ERO1B: variants seen among roughly 807,000 people sequenced by gnomAD.
ERO1B encodes endoplasmic reticulum oxidoreductase 1 beta.
Under a neutral mutation model 75.3 loss-of-function variants are expected in ERO1B, and 49 were observed. The observed-to-expected ratio is 0.65, with a 90% CI of 0.52 to 0.83. The LOEUF (loss-of-function observed/expected upper bound fraction) is 0.83. ERO1B is among the 40% of genes least tolerant of loss of function. ERO1B has a pLI of 0.00. For missense variants in ERO1B, 512 were observed against 560.1 expected (o/e 0.91, Z 0.87); for synonymous variants, 191 against 192.9 (o/e 0.99, Z 0.08).
At chr1:236,231,554 G>A (rs1664408030) in intron 9 of ERO1B, among the ~76,000 whole-genome samples, 1 of 149,900 alleles carries the variant, frequency 6.7e-6, no homozygotes, top group African/African-American at 2.4e-5. Context: ...TTCTGAGTTG[G>A]GGAAAGAGAA....
chr1:236,245,147 A>C (rs1664810847), intron 5 of ERO1B, among the ~76,000 whole-genome samples: 1 of 150,092 alleles, frequency 6.7e-6, no homozygotes, highest in Non-Finnish European at 1.5e-5. Flanking sequence ...ACGCCAACAC[A>C]TCCAGCTAAT....
chr1:236,254,623 T>A lies in ERO1B; in HGVS notation c.223-1118A>T, dbSNP rs937182803. ...TGTCTCAAGATCTTTATTTTTTTTT[T>A]ATTTTTTGAGACAGAGTCTCACTCT... On this transcript the variant is annotated intron_variant, in intron 2 of 15. Transcript: ENST00000354619. 5.1e-4 allele frequency among the ~76,000 whole-genome samples: 78 copies of A among 152,110 alleles called. 1 individual carries two copies. The highest frequency in any genetic ancestry group is 4.6e-4 in the African/African-American group (19 of 41,420).
At chr1:236,264,490 G>A (rs1292714318) in intron 2 of ERO1B, among the ~76,000 whole-genome samples, 1 of 152,114 alleles carries the variant, frequency 6.6e-6, no homozygotes, top group East Asian at 1.9e-4. Context: ...TTATTAGTAG[G>A]AGGTAAATAA....
chr1:236,236,538 G>C (rs1664552201), intron 6 of ERO1B, 140 bp from the exon 7 acceptor site: 1 of 762,596 alleles, frequency 1.3e-6, no homozygotes, highest in Non-Finnish European at 2.0e-6. Context: ...TGGTATAGTG[G>C]TTAGTATACT....
chr1:236,247,265 C>A (rs1294933440), intron 5 of ERO1B, among the ~76,000 whole-genome samples: 1 of 152,194 alleles, frequency 6.6e-6, no homozygotes, highest in African/African-American at 2.4e-5. Flanking sequence ...GTCTCACAGG[C>A]AGCTCAAACT....
intron 10 of ERO1B, among the ~76,000 whole-genome samples, chr1:236,227,125 T>C (rs928647322): frequency 2.6e-5 from 4 of 152,178 alleles, no homozygotes; most frequent in Non-Finnish European, 5.9e-5. Context: ...CCCTTCCTTA[T>C]ATGTGTTATT....
chr1:236,227,385 T>G (rs981959461), intron 10 of ERO1B, among the ~76,000 whole-genome samples: 7 of 152,270 alleles, frequency 4.6e-5, no homozygotes, highest in Admixed American at 3.3e-4. Context: ...GCTGAGAACT[T>G]AAGAGGTCAA....
chr1:236,222,076 A>G (rs1302516332), intron 13 of ERO1B, 66 bp from the exon 14 acceptor site: 35 of 1,221,408 alleles, frequency 2.9e-5, no homozygotes, highest in Non-Finnish European at 3.0e-5. Context: ...TGGCTAAACG[A>G]TAAGTAAGTT....
chr1:236,235,698 T>G, intron 8 of ERO1B, 91 bp downstream of exon 8: 1 of 1,153,568 alleles, frequency 8.7e-7, no homozygotes, highest in East Asian at 2.5e-5. Context: ...AAACAAAATA[T>G]AAAAATGAAA....
chr1:236,266,403 G>A (rs1462183937), intron 2 of ERO1B, among the ~76,000 whole-genome samples: 4 of 151,954 alleles, frequency 2.6e-5, no homozygotes, highest in Non-Finnish European at 5.9e-5. Context: ...CAGGAGTTGC[G>A]GACCAGCCTG....
chr1:236,232,374 G>A (rs1319702468), intron 9 of ERO1B, among the ~76,000 whole-genome samples: 3 of 152,110 alleles, frequency 2.0e-5, no homozygotes, highest in Non-Finnish European at 4.4e-5. Context: ...TATTTTGGGG[G>A]TATCTTTTAA....
At chr1:236,272,573 G>T (rs1267590959) in intron 1 of ERO1B, among the ~76,000 whole-genome samples, 1 of 151,956 alleles carries the variant, frequency 6.6e-6, no homozygotes, top group South Asian at 2.1e-4. Flanking sequence ...GAAAGAGGGG[G>T]ACAAGAGCTG....
In ERO1B at chr1:236,243,369, T is replaced by C. The variant is rs1018909069; in HGVS notation, c.505+53A>G. 1.3e-5 allele frequency: 16 copies of C among 1,236,616 alleles called. No individual in the cohort carries two copies. The African/African-American group carries it at 2.1e-4, about 17-fold the overall frequency. 76.6% of individuals were successfully genotyped at this position (1,236,616 alleles called of 1,614,324 possible). On this transcript the variant is annotated intron_variant, in intron 6 of 15. Coordinates refer to ENST00000354619, the MANE Select transcript of ERO1B (RefSeq NM_019891.4). ...TTATATTTTCATTGATTAAAATGTCTTATAAAAGGGTTAAAGTTAAAATAA... is the reference window on the plus strand; with the variant it reads ...TTATATTTTCATTGATTAAAATGTCCTATAAAAGGGTTAAAGTTAAAATAA...
At chr1:236,250,497 T>A (rs1664989738) in intron 4 of ERO1B, among the ~76,000 whole-genome samples, 2 of 146,542 alleles carry the variant, frequency 1.4e-5, no homozygotes, top group Admixed American at 7.0e-5. Flanking sequence ...AATTCAAAAG[T>A]AAAAGTTAAC....
chr1:236,239,924 G>C (rs1399114175), intron 6 of ERO1B, among the ~76,000 whole-genome samples: 2 of 73,252 alleles, frequency 2.7e-5, no homozygotes, highest in African/African-American at 1.0e-4. Flanking sequence ...TTTTTTTTTT[G>C]CGATGAGGCT....
chr1:236,252,317 AAAGT>A (rs1665049941), intron 3 of ERO1B, among the ~76,000 whole-genome samples: 1 of 152,210 alleles, frequency 6.6e-6, no homozygotes, highest in Non-Finnish European at 1.5e-5. Context: ...TGACATACAC[AAAGT>A]AAGAAAGCCA....
chr1:236,242,878 T>C (rs1334478439), intron 6 of ERO1B, among the ~76,000 whole-genome samples: 1 of 152,186 alleles, frequency 6.6e-6, no homozygotes, highest in Non-Finnish European at 1.5e-5. Context: ...GTCCAGTCTT[T>C]CTACCATTCC....
At chr1:236,262,705 C>A (rs1203770945) in intron 2 of ERO1B, among the ~76,000 whole-genome samples, 1 of 152,114 alleles carries the variant, frequency 6.6e-6, no homozygotes, top group Non-Finnish European at 1.5e-5. Context: ...ATGCCCAGCC[C>A]TGCTGTTTTA....
intron 5 of ERO1B, among the ~76,000 whole-genome samples, chr1:236,248,489 G>T (rs952750609): frequency 3.3e-5 from 5 of 152,180 alleles, no homozygotes; most frequent in African/African-American, 1.2e-4. Context: ...TAAATAATTG[G>T]AAATAGCTAA....
Sources: allele counts gnomAD v4.1 joint callset (sites outside exome capture counted in the v4.1 genomes callset), GRCh38; gene constraint gnomAD v4.1.1; transcripts MANE v1.5; gene names NCBI Gene and HGNC (gene_info 2026-07-23, HGNC 2026-07-21).